KIAA0825: variants seen among roughly 807,000 people sequenced by gnomAD.
The protein encoded by KIAA0825 is uncharacterized protein KIAA0825.
Under a neutral mutation model 147.6 loss-of-function variants are expected in KIAA0825, and 119 were observed. The ratio of observed to expected loss-of-function variants is 0.81; its 90% CI spans 0.69 to 0.94. The LOEUF (loss-of-function observed/expected upper bound fraction) is 0.94. KIAA0825 is among the 40% of genes least tolerant of loss of function. KIAA0825 has a pLI of 0.00. For synonymous variants in KIAA0825, 470 were observed against 518.1 expected (o/e 0.91, Z 1.26); for missense variants, 1,381 against 1,472.7 (o/e 0.94, Z 1.02).
At chr5:94,475,574 G>A (rs750937175) in intron 7 of KIAA0825, among the ~76,000 whole-genome samples, 2 of 152,268 alleles carry the variant, frequency 1.3e-5, no homozygotes, top group East Asian at 1.9e-4. Context: ...TTGGGAGGCC[G>A]AGGCAGGCGG....
intron 5 of KIAA0825, among the ~76,000 whole-genome samples, chr5:94,518,806 T>C (rs375780441): frequency 8.5e-5 from 13 of 152,262 alleles, no homozygotes; most frequent in Non-Finnish European, 1.6e-4. Context: ...TTTTCTCTCA[T>C]GAATGAGAAA....
At chr5:94,439,106 C>T (rs1273827903) in intron 14 of KIAA0825, among the ~76,000 whole-genome samples, 1 of 152,040 alleles carries the variant, frequency 6.6e-6, no homozygotes, top group Admixed American at 6.6e-5. Context: ...ACAACTGTTA[C>T]AGGAGTAAGT....
At position 94,524,108 on chromosome 5, in the gene KIAA0825, A is replaced by G; in HGVS notation, c.132-10T>C. The G allele has an allele frequency of 6.3e-7, 1 of 1,584,502 alleles. No homozygotes were observed. Among genetic ancestry groups the G allele is most frequent in the Non-Finnish European group, 8.6e-7 (1 of 1,164,256 alleles). Reference sequence around the variant, plus strand: ...AATGCAATGTTTTATGCTATAAAAAACAGAAGAAAAAGTTATTTTGGCAGG... The same window carrying G: ...AATGCAATGTTTTATGCTATAAAAAGCAGAAGAAAAAGTTATTTTGGCAGG... On this transcript the variant is annotated splice_polypyrimidine_tract_variant and intron_variant, in intron 3 of 20. Transcript: ENST00000682413.
intron 5 of KIAA0825, among the ~76,000 whole-genome samples, chr5:94,516,789 CAAA>C (rs1163048649): frequency 3.7e-5 from 2 of 53,656 alleles, no homozygotes; most frequent in Non-Finnish European, 3.6e-5. Flanking sequence ...GACTCCGTCT[CAAA>C]AAAAAAAAAA....
intron 13 of KIAA0825, among the ~76,000 whole-genome samples, chr5:94,445,666 C>A (rs933537343): frequency 1.3e-5 from 2 of 152,146 alleles, no homozygotes; most frequent in Non-Finnish European, 2.9e-5. Context: ...ACATTGCTGG[C>A]TTCATTTCTA....
Position 94,186,179 on chromosome 5 carries a change from A to G in KIAA0825, c.3711-32055T>C, listed in dbSNP as rs1040622381. 5.9e-5 allele frequency among the ~76,000 whole-genome samples: 9 copies of G among 152,204 alleles called. 1 individual carries two copies. The highest frequency in any genetic ancestry group is 1.9e-4 in the African/African-American group (8 of 41,460). On this transcript the variant is annotated intron_variant, in intron 20 of 20. Coordinates refer to ENST00000682413, the MANE Select transcript of KIAA0825 (RefSeq NM_001145678.3). ...AAATTAAGACTATCAACTTATAAGA[A>G]AAGACTTTTAGTTTAAGAGTTATGT...
intron 5 of KIAA0825, among the ~76,000 whole-genome samples, chr5:94,514,447 G>A (rs989423692): frequency 3.9e-5 from 6 of 152,040 alleles, no homozygotes; most frequent in African/African-American, 1.4e-4. Context: ...ATAAATGTAT[G>A]CTATGAGTCC....
intron 20 of KIAA0825, among the ~76,000 whole-genome samples, chr5:94,166,797 G>C (rs551705550): frequency 6.6e-6 from 1 of 152,066 alleles, no homozygotes; most frequent in South Asian, 2.1e-4. Context: ...TGACTCATTG[G>C]AAAGGCAGCA....
Position 94,154,024 on chromosome 5 carries a change from T to C in KIAA0825, c.3811A>G (p.Asn1271Asp). ...TCTGCAGATTACTGTTCCTCTATGT[T>C]ATCTGAGGCAGAAGAGTTCTGTGGG... ...CTPQNSSASD[N>D]IEEQ Residue 1271 changes from asparagine (N) to aspartate (D), a missense_variant, in exon 21 of 21, where the codon AAC becomes GAC. Coordinates refer to ENST00000682413, the MANE Select transcript of KIAA0825 (RefSeq NM_001145678.3). 1 of 1,550,260 alleles carries C rather than the reference T, an allele frequency of 6.5e-7. No homozygotes were observed. The highest frequency in any genetic ancestry group is 8.7e-7 in the Non-Finnish European group (1 of 1,145,638).
rs1045235127 is a variant in KIAA0825, at chr5:94,151,342, G to A, written c.*2665C>T. 1.5e-4 allele frequency among the ~76,000 whole-genome samples: 22 copies of A among 149,346 alleles called. No homozygotes were observed. In the East Asian group the frequency reaches 2.5e-3, roughly 17 times the overall value. On this transcript the variant is annotated 3_prime_UTR_variant, in exon 21 of 21. Coordinates refer to ENST00000682413, the MANE Select transcript of KIAA0825 (RefSeq NM_001145678.3). Reference sequence around the variant, plus strand: ...TGAGGCAGGAGAATGGCGTGAACCCGGGAAGCGGAGCTTGCAGTGAGCCGA... The same window carrying A: ...TGAGGCAGGAGAATGGCGTGAACCCAGGAAGCGGAGCTTGCAGTGAGCCGA...
chr5:94,286,942 C>T (rs1777686809), intron 20 of KIAA0825, among the ~76,000 whole-genome samples: 1 of 152,114 alleles, frequency 6.6e-6, no homozygotes, highest in South Asian at 2.1e-4. Context: ...CCACACCTCC[C>T]TGGGCTCGTC....
chr5:94,494,155 T>C (rs1451207731), intron 5 of KIAA0825, among the ~76,000 whole-genome samples: 1 of 152,146 alleles, frequency 6.6e-6, no homozygotes, highest in Non-Finnish European at 1.5e-5. Context: ...CTGGCTCCAC[T>C]GGATGTTACC....
At chr5:94,536,871 T>G in intron 3 of KIAA0825, 125 bp downstream of exon 3, 1 of 614,902 alleles carries the variant, frequency 1.6e-6, no homozygotes, top group Non-Finnish European at 2.7e-6. Flanking sequence ...TAATCAATAT[T>G]TTGGGGGAAA....
chr5:94,580,875 CAAAAAAAAAAAAAAAAAAAAAAAAAAAA>C lies in KIAA0825; in HGVS notation c.-2+1530_-2+1557del, dbSNP rs869206314. ...TGGGCGACAGAGCGAGACTCCGTCT[CAAAAAAAAAAAAAAAAAAAAAAAAAAAA>C]AAAAAAAAAAAAAAAAAATGCATAA... On this transcript the variant is annotated intron_variant, in intron 2 of 20. Transcript: ENST00000682413. 6.3e-3 allele frequency among the ~76,000 whole-genome samples: 22 copies of C among 3,496 alleles called. 3 individuals are homozygous for C. The highest frequency in any genetic ancestry group is 0.033 in the East Asian group (7 of 210). 2.3% of individuals were successfully genotyped at this position (3,496 alleles called of 152,430 possible).
chr5:94,489,649 G>T (rs886764785), intron 5 of KIAA0825, among the ~76,000 whole-genome samples: 1 of 151,702 alleles, frequency 6.6e-6, no homozygotes, highest in Non-Finnish European at 1.5e-5. Context: ...ACTTTGGGAG[G>T]CTGAGGTGGG....
At chr5:94,208,403 C>T (rs1772398708) in intron 20 of KIAA0825, among the ~76,000 whole-genome samples, 1 of 152,120 alleles carries the variant, frequency 6.6e-6, no homozygotes, top group African/African-American at 2.4e-5. Flanking sequence ...AATTCAATTC[C>T]ACAAACATTT....
chr5:94,396,122 G>C lies in KIAA0825; in HGVS notation c.3275C>G (p.Ala1092Gly). Residue 1092 changes from alanine (A) to glycine (G), a missense_variant, in exon 17 of 21, where the codon GCA becomes GGA. By Grantham distance (60) the Ala-to-Gly change is moderately conservative. Coordinates refer to ENST00000682413, the MANE Select transcript of KIAA0825 (RefSeq NM_001145678.3). Reference protein sequence around the residue: ...PNWIERQLLKARKLSTECAFM... With the variant: ...PNWIERQLLKGRKLSTECAFM... ...TTACCATTCAGTGCTCAGTTTCCTT[G>C]CTTTCAACAATTGACGTTCAATCCA... 1 of 1,493,690 alleles carries C rather than the reference G, an allele frequency of 6.7e-7. No individual in the cohort carries two copies. Among genetic ancestry groups the C allele is most frequent in the Non-Finnish European group, 8.9e-7 (1 of 1,121,962 alleles). 92.5% of individuals were successfully genotyped at this position (1,493,690 alleles called of 1,614,324 possible). A position where few individuals can be genotyped will look rare whatever the true frequency, so the allele number is the denominator to read the frequency against.
chr5:94,519,978 C>T, intron 5 of KIAA0825: 1 of 1,056,400 alleles, frequency 9.5e-7, no homozygotes, highest in Non-Finnish European at 1.2e-6. Flanking sequence ...TACTGTTTGT[C>T]ATATGCAATC....
intron 14 of KIAA0825, among the ~76,000 whole-genome samples, chr5:94,420,969 G>A (rs1016134685): frequency 1.3e-5 from 2 of 152,050 alleles, no homozygotes; most frequent in African/African-American, 2.4e-5. Context: ...CACATCCACT[G>A]TATCCTTTCT....
Sources: allele counts gnomAD v4.1 joint callset (sites outside exome capture counted in the v4.1 genomes callset), GRCh38; gene constraint gnomAD v4.1.1; transcripts MANE v1.5; gene names NCBI Gene and HGNC (gene_info 2026-07-23, HGNC 2026-07-21).